Variants in SLC7A2 observed in about 807,000 individuals in gnomAD.
The protein encoded by SLC7A2 is cationic amino acid transporter 2.
SLC7A2 carries 48 observed loss-of-function variants against 58.9 expected under a neutral mutation model. That is an observed-to-expected ratio of 0.82 (90% CI 0.65 to 1.04). The LOEUF is 1.04. Among genes scored for constraint, SLC7A2 ranks in the 50% least tolerant of loss-of-function variants. The pLI is 0.00. For synonymous variants in SLC7A2, 363 were observed against 314.5 expected (o/e 1.15, Z -1.63); for missense variants, 1,029 against 818.8 (o/e 1.26, Z -3.13).
intron 2 of SLC7A2, among the ~76,000 whole-genome samples, chr8:17,542,658 A>G (rs1432517476): frequency 8.5e-6 from 1 of 117,238 alleles, no homozygotes; most frequent in Non-Finnish European, 2.2e-5. Flanking sequence ...CTCAAAAAAA[A>G]AAGAAAAAGA....
chr8:17,548,472 T>C (rs1802283097), intron 4 of SLC7A2, among the ~76,000 whole-genome samples: 1 of 152,262 alleles, frequency 6.6e-6, no homozygotes, highest in African/African-American at 2.4e-5. Context: ...GAGCATGACC[T>C]GCCTCCGAAA....
At chr8:17,547,893 A>C (rs1271783618) in intron 4 of SLC7A2, among the ~76,000 whole-genome samples, 1 of 151,550 alleles carries the variant, frequency 6.6e-6, no homozygotes, top group African/African-American at 2.4e-5. Context: ...AAAGTACTTG[A>C]ATAGAAATTG....
chr8:17,559,875 C>G (rs1802881416), intron 9 of SLC7A2, among the ~76,000 whole-genome samples: 1 of 152,086 alleles, frequency 6.6e-6, no homozygotes, highest in South Asian at 2.1e-4. Context: ...CTGGGTTTAG[C>G]TAGAAGAATC....
At chr8:17,547,137 C>G (rs567452395) in intron 4 of SLC7A2, among the ~76,000 whole-genome samples, 1 of 151,760 alleles carries the variant, frequency 6.6e-6, no homozygotes, top group East Asian at 1.9e-4. Flanking sequence ...GAAGAAATAC[C>G]CAAGACTTGG....
At chr8:17,531,614 A>G (rs929427391) in intron 2 of SLC7A2, among the ~76,000 whole-genome samples, 3 of 152,076 alleles carry the variant, frequency 2.0e-5, no homozygotes, top group Non-Finnish European at 1.5e-5. Flanking sequence ...GATGGTTTGA[A>G]TTTTAAATTT....
Position 17,569,826 on chromosome 8 carries a change from C to T in SLC7A2, c.*4680C>T, listed in dbSNP as rs529193019. 6.6e-6 allele frequency: 1 copy of T among 152,138 alleles called. No homozygotes were observed. Among genetic ancestry groups the T allele is most frequent in the Admixed American group, 6.6e-5 (1 of 15,266 alleles). The allele number at this position is 152,138 out of a possible 1,614,324, so 9.4% of individuals were successfully genotyped here. On this transcript the variant is annotated 3_prime_UTR_variant, in exon 13 of 13. Transcript: ENST00000494857. ...ATCGCTGGGTCTTAAAGAGCTTTCCCTAGCCACTGACAGCCCCGTGGAGAT... is the reference window on the plus strand; with the variant it reads ...ATCGCTGGGTCTTAAAGAGCTTTCCTTAGCCACTGACAGCCCCGTGGAGAT...
intron 4 of SLC7A2, among the ~76,000 whole-genome samples, chr8:17,544,941 C>T (rs528939648): frequency 2.0e-5 from 3 of 152,230 alleles, no homozygotes; most frequent in African/African-American, 7.2e-5. Flanking sequence ...AATTTCTTGG[C>T]ATTATTTCAT....
intron 7 of SLC7A2, among the ~76,000 whole-genome samples, chr8:17,554,298 G>T (rs183711443): frequency 2.6e-5 from 4 of 151,976 alleles, no homozygotes; most frequent in Non-Finnish European, 4.4e-5. Flanking sequence ...CAAATTACTT[G>T]CAATATTGTT....
chr8:17,565,320 C>T lies in SLC7A2; in HGVS notation c.*174C>T, dbSNP rs1243806134. On this transcript the variant is annotated 3_prime_UTR_variant, in exon 13 of 13. Transcript: ENST00000494857. The stretch of plus-strand genomic sequence containing the variant: ...CTCCTCAGATGGTGAATTATGTGCA[C>T]GGGGAAACCTCCTGAGTGGAAGTTT... The T allele has an allele frequency of 1.7e-6, 1 of 580,036 alleles. No individual in the cohort carries two copies. 35.9% of individuals were successfully genotyped at this position (580,036 alleles called of 1,614,324 possible).
At chr8:17,539,900 G>A (rs1261584452) in intron 2 of SLC7A2, among the ~76,000 whole-genome samples, 1 of 152,166 alleles carries the variant, frequency 6.6e-6, no homozygotes, top group Non-Finnish European at 1.5e-5. Flanking sequence ...CTGTAAAAAT[G>A]AGAGTAAGAT....
chr8:17,538,339 T>A (rs1801761482), intron 2 of SLC7A2, among the ~76,000 whole-genome samples: 1 of 152,200 alleles, frequency 6.6e-6, no homozygotes, highest in South Asian at 2.1e-4. Context: ...AGACTTGATT[T>A]GGAGAAAAGA....
chr8:17,524,840 G>C (rs1801160635), intron 2 of SLC7A2, among the ~76,000 whole-genome samples: 2 of 151,712 alleles, frequency 1.3e-5, no homozygotes, highest in African/African-American at 2.4e-5. Flanking sequence ...TTAACATACA[G>C]AGCCAGTGTG....
intron 5 of SLC7A2, among the ~76,000 whole-genome samples, chr8:17,549,379 A>C (rs1802337126): frequency 6.6e-6 from 1 of 152,186 alleles, no homozygotes; most frequent in Non-Finnish European, 1.5e-5. Flanking sequence ...TCAAACTTAA[A>C]GGTATAGGTA....
chr8:17,562,252 G>A (rs1047221444), intron 11 of SLC7A2, 142 bp downstream of exon 11: 5 of 810,134 alleles, frequency 6.2e-6, no homozygotes, highest in Non-Finnish European at 7.2e-6. Flanking sequence ...TCAGGCTGGA[G>A]TGCAATGGAG....
At position 17,498,332 on chromosome 8, in the gene SLC7A2, A is replaced by C. The variant is rs1388510593; in HGVS notation, c.-69+1095A>C. The stretch of plus-strand genomic sequence containing the variant: ...TGTGGCCTTGACTTGATACTTTTTC[A>C]TTCTTGCCTGAGCTAGTCTTTAAAA... On this transcript the variant is annotated intron_variant, in intron 1 of 12. Coordinates refer to ENST00000494857, the MANE Select transcript of SLC7A2 (RefSeq NM_001370338.1). 2.0e-5 allele frequency among the ~76,000 whole-genome samples: 3 copies of C among 152,166 alleles called. No individual in the cohort carries two copies. In the East Asian group the frequency reaches 5.8e-4, roughly 29 times the overall value.
At chr8:17,563,231 A>G (rs1393333524) in intron 11 of SLC7A2, among the ~76,000 whole-genome samples, 1 of 152,174 alleles carries the variant, frequency 6.6e-6, no homozygotes, top group Non-Finnish European at 1.5e-5. Context: ...AGCTAACCGT[A>G]TACTGGCTTG....
At chr8:17,557,757 G>A (rs772942615) in intron 8 of SLC7A2, among the ~76,000 whole-genome samples, 14 of 152,052 alleles carry the variant, frequency 9.2e-5, no homozygotes, top group African/African-American at 3.1e-4. Flanking sequence ...GGACCAGGGG[G>A]GTGGAGATTG....
intron 2 of SLC7A2, among the ~76,000 whole-genome samples, chr8:17,504,216 G>T (rs13260530): frequency 0.052 from 7,914 of 152,234 alleles, 293 homozygotes; most frequent in South Asian, 0.11. Context: ...CCTCAGTGAG[G>T]AGTAAGTATT....
At chr8:17,517,404 AT>A (rs1404715803) in intron 2 of SLC7A2, among the ~76,000 whole-genome samples, 4 of 152,230 alleles carry the variant, frequency 2.6e-5, no homozygotes, top group African/African-American at 9.6e-5. Flanking sequence ...AAGCCCAGAG[AT>A]GGGTTAGAAA....
Sources: gnomAD v4.1 joint callset for allele counts (sites outside exome capture counted in the v4.1 genomes callset) on GRCh38, gnomAD v4.1.1 for gene constraint, MANE v1.5 for transcripts, NCBI Gene and HGNC (gene_info 2026-07-23, HGNC 2026-07-21) for gene names.